PCDH11Y: variants seen among roughly 807,000 people sequenced by gnomAD.
PCDH11Y encodes the protein protocadherin-11 Y-linked.
For missense variants in PCDH11Y, 12 were observed against 224.8 expected, an observed-to-expected ratio of 0.05 and a Z score of 6.05; for synonymous variants, 9 against 83.6, an observed-to-expected ratio of 0.11 and a Z score of 4.87.
intron 1 of PCDH11Y, among the ~76,000 whole-genome samples, chrY:5,023,166 TTCA>T: frequency 3.0e-5 from 1 of 33,468 alleles, no homozygotes; most frequent in Non-Finnish European, 7.4e-5. Flanking sequence ...TGTAAATGAA[TTCA>T]TCATAGACTC....
intron 4 of PCDH11Y, among the ~76,000 whole-genome samples, chrY:5,656,902 A>G: frequency 3.0e-5 from 1 of 33,183 alleles, no homozygotes; most frequent in African/African-American, 1.2e-4. Flanking sequence ...ATATAGAACA[A>G]TGGACCAGAA....
chrY:5,579,166 G>A, intron 3 of PCDH11Y, among the ~76,000 whole-genome samples: 1 of 32,759 alleles, frequency 3.1e-5, no homozygotes, highest in East Asian at 8.1e-4. Flanking sequence ...TTTGTTTTAG[G>A]AATATAAAGG....
chrY:5,047,254 G>A, intron 3 of PCDH11Y, among the ~76,000 whole-genome samples: 7 of 32,817 alleles, frequency 2.1e-4, no homozygotes, highest in Non-Finnish European at 4.5e-4. Context: ...CATTTGCTTT[G>A]AGTTGAGATT....
At chrY:5,650,439 C>G in intron 4 of PCDH11Y, among the ~76,000 whole-genome samples, 1 of 32,775 alleles carries the variant, frequency 3.1e-5, no homozygotes, top group Non-Finnish European at 7.6e-5. Flanking sequence ...TGCAGTGTAC[C>G]AAGAACAAAG....
intron 2 of PCDH11Y, among the ~76,000 whole-genome samples, chrY:5,331,546 C>A: frequency 3.0e-5 from 1 of 33,556 alleles, no homozygotes; most frequent in Non-Finnish European, 7.4e-5. Flanking sequence ...CTCCACCACC[C>A]CTTAACTTAA....
intron 2 of PCDH11Y, among the ~76,000 whole-genome samples, chrY:5,190,506 G>T: frequency 6.0e-5 from 2 of 33,089 alleles, no homozygotes; most frequent in African/African-American, 2.4e-4. Flanking sequence ...GAAAGTGTCC[G>T]CAAAACAGCA....
chrY:5,052,887 A>G, upstream of PCDH11Y, among the ~76,000 whole-genome samples: 1 of 28,782 alleles, frequency 3.5e-5, no homozygotes, highest in South Asian at 8.2e-4. Context: ...GTATGTAGGC[A>G]TATTTTCCCT....
At chrY:5,243,446 A>T (rs2052991021) in intron 2 of PCDH11Y, among the ~76,000 whole-genome samples, 1 of 28,664 alleles carries the variant, frequency 3.5e-5, no homozygotes, top group Admixed American at 2.8e-4. Context: ...GGAGTCAGTA[A>T]ACTATGAATC....
rs747259903 is a variant in PCDH11Y at position 5,369,802 on chromosome Y, A to G, written c.3130-131255A>G. Among the ~76,000 whole-genome samples, 47 of 33,487 alleles carry G rather than the reference A, an allele frequency of 1.4e-3. No homozygotes were observed. In the South Asian group the frequency reaches 0.03, roughly 22 times the overall value. The allele number at this position is 33,487 out of a possible 37,273, so 89.8% of individuals were successfully genotyped here. ...GGATCTACAAAATTGCTTGTTGCAT[A>G]TACAAAATCTAAATGATATGGTGTC... is the stretch of plus-strand genomic sequence containing the variant. On this transcript the variant is annotated intron_variant, in intron 2 of 4. Transcript: ENST00000400457.
At chrY:5,060,792 G>A (rs1392069346) in intron 1 of PCDH11Y, among the ~76,000 whole-genome samples, 1 of 29,858 alleles carries the variant, frequency 3.3e-5, no homozygotes, top group African/African-American at 1.3e-4. Context: ...AGGCTGAGGC[G>A]GGTGGATTAC....
chrY:5,682,255 T>G (rs1439175000), intron 4 of PCDH11Y, among the ~76,000 whole-genome samples: 37 of 10,603 alleles, frequency 3.5e-3, no homozygotes, highest in Non-Finnish European at 4.9e-3. Flanking sequence ...TTTTTTTTTT[T>G]TTTTTTTTTT....
chrY:5,555,321 G>A (rs2053422628), intron 3 of PCDH11Y, among the ~76,000 whole-genome samples: 3 of 32,403 alleles, frequency 9.3e-5, no homozygotes, highest in African/African-American at 3.6e-4. Context: ...CACACTCATA[G>A]GCAGAAGGGA....
At chrY:5,578,821 A>G in intron 3 of PCDH11Y, among the ~76,000 whole-genome samples, 1 of 33,674 alleles carries the variant, frequency 3.0e-5, no homozygotes. Flanking sequence ...AGTAGTAAAG[A>G]TATCTGATTA....
At chrY:5,416,916 G>A in intron 2 of PCDH11Y, among the ~76,000 whole-genome samples, 1 of 32,031 alleles carries the variant, frequency 3.1e-5, no homozygotes, top group African/African-American at 1.2e-4. Flanking sequence ...TCCACAGATT[G>A]TGAAGGGGCT....
chrY:5,288,415 C>G, intron 2 of PCDH11Y, among the ~76,000 whole-genome samples: 1 of 32,546 alleles, frequency 3.1e-5, no homozygotes, highest in African/African-American at 1.2e-4. Flanking sequence ...CACCAAGGCT[C>G]AGCTCAGCAC....
chrY:5,308,200 C>A, intron 2 of PCDH11Y, among the ~76,000 whole-genome samples: 2 of 33,161 alleles, frequency 6.0e-5, no homozygotes, highest in Non-Finnish European at 1.5e-4. Context: ...TTTCTTAAAG[C>A]TGCATTAACA....
At chrY:5,440,756 T>TAGAG (rs2053280278) in intron 2 of PCDH11Y, among the ~76,000 whole-genome samples, 1 of 16,946 alleles carries the variant, frequency 5.9e-5, no homozygotes, top group Non-Finnish European at 1.3e-4. Flanking sequence ...TATATATATA[T>TAGAG]ATAGAGAGAG....
At chrY:5,562,833 TCAC>T (rs2053430650) in intron 3 of PCDH11Y, among the ~76,000 whole-genome samples, 4 of 30,857 alleles carry the variant, frequency 1.3e-4, no homozygotes, top group Non-Finnish European at 1.6e-4. Context: ...TTTTTATTTG[TCAC>T]CACACTATTC....
chrY:5,618,113 TATATTATA>T (rs3865933), intron 4 of PCDH11Y, among the ~76,000 whole-genome samples: 6 of 25,205 alleles, frequency 2.4e-4, no homozygotes, highest in Admixed American at 1.5e-3. Flanking sequence ...TCATCAACAG[TATATTATA>T]ATATTATAAT....
Sources: gnomAD v4.1 joint callset for allele counts (sites outside exome capture counted in the v4.1 genomes callset) on GRCh38, gnomAD v4.1.1 for gene constraint, MANE v1.5 for transcripts, NCBI Gene and HGNC (gene_info 2026-07-23, HGNC 2026-07-21) for gene names.